The following AGO2 variants were observed in gnomAD, a reference collection of about 807,000 sequenced individuals.
AGO2 encodes the protein protein argonaute-2.
AGO2 carries 5 observed loss-of-function variants against 102.3 expected under a neutral mutation model. The ratio of observed to expected loss-of-function variants is 0.05; its 90% CI spans 0.03 to 0.10. The LOEUF is 0.10. AGO2 is among the 10% of genes least tolerant of loss of function. The pLI is 1.00. For missense variants in AGO2, 541 were observed against 1,183.7 expected, an observed-to-expected ratio of 0.46 and a Z score of 7.97; for synonymous variants, 449 against 473.1, an observed-to-expected ratio of 0.95 and a Z score of 0.66.
chr8:140,568,324 A>C (rs929908074), intron 3 of AGO2, among the ~76,000 whole-genome samples: 1 of 151,240 alleles, frequency 6.6e-6, no homozygotes, highest in Non-Finnish European at 1.5e-5. Context: ...GAAACTGTGT[A>C]TGAAGCCAGG....
At position 140,567,204 on chromosome 8, in the gene AGO2, T is replaced by G. The variant is rs889475125; in HGVS notation, c.337-4570A>C. Among the ~76,000 whole-genome samples, 11 of 152,120 alleles carry G rather than the reference T, an allele frequency of 7.2e-5. No homozygotes were observed. On this transcript the variant is annotated intron_variant, in intron 3 of 18. Transcript: ENST00000220592. The surrounding 1 kb of genome is among the most constrained non-coding windows in gnomAD (Gnocchi z 5.0). ...GGCCTGCAGAGAAAGGACAGCAGAG[T>G]CACCCCGGGCTCTGTAACTATCTGC...
At chr8:140,583,461 G>A (rs1039035978) in intron 2 of AGO2, among the ~76,000 whole-genome samples, 2 of 152,186 alleles carry the variant, frequency 1.3e-5, no homozygotes, top group African/African-American at 4.8e-5. Flanking sequence ...ACATCATAGA[G>A]TATATTTACA....
At position 140,528,424 on chromosome 8, in the gene AGO2, A is replaced by G. The variant is rs1263939208; in HGVS notation, c.*3620T>C. On this transcript the variant is annotated 3_prime_UTR_variant, in exon 19 of 19. Transcript: ENST00000220592. This position sits in a 1 kb window ranked among gnomAD's most constrained non-coding sequence, Gnocchi z 4.5. ...ACCCCACTACAGGAACTGAACTGAC[A>G]TGATCTGTTCTAATGGGCACTCCGT... 1 of 152,284 alleles carries G rather than the reference A, an allele frequency of 6.6e-6. No homozygotes were observed. The highest frequency in any genetic ancestry group is 1.5e-5 in the Non-Finnish European group (1 of 68,062). The allele number at this position is 152,284 out of a possible 1,614,324, so 9.4% of individuals were successfully genotyped here.
chr8:140,621,686 T>C (rs1372487636), intron 1 of AGO2, among the ~76,000 whole-genome samples: 1 of 152,220 alleles, frequency 6.6e-6, no homozygotes, highest in Non-Finnish European at 1.5e-5. Flanking sequence ...TATTAGGTGA[T>C]CTGGGCAAAA....
intron 1 of AGO2, among the ~76,000 whole-genome samples, chr8:140,599,885 C>T (rs987040052): frequency 2.0e-5 from 3 of 152,208 alleles, no homozygotes; most frequent in African/African-American, 7.2e-5. Context: ...TCACACCTGG[C>T]TGATTTTTGT....
At position 140,556,187 on chromosome 8, in the gene AGO2, G is replaced by T. The variant is rs1247419658; in HGVS notation, c.1126C>A (p.Gln376Lys). Residue 376 changes from glutamine to lysine, a missense_variant, in exon 9 of 19, where the codon CAA becomes AAA. Around this residue, in one of 6 missense-constraint regions of AGO2, gnomAD observed 309 missense variants for 735.1 expected, o/e 0.42. Transcript: ENST00000220592. ...CTCACCAATTTGCTAATCTCTTCTTGCCGATCGGGCGCCGACCTAGCAGTC... is the reference window on the plus strand; with the variant it reads ...CTCACCAATTTGCTAATCTCTTCTTTCCGATCGGGCGCCGACCTAGCAGTC... ...RATARSAPDR[Q>K]EEISKLMRSA... 1 of 1,614,230 alleles carries T rather than the reference G, an allele frequency of 6.2e-7. No homozygotes were observed. Among genetic ancestry groups the T allele is most frequent in the Admixed American group, 1.7e-5 (1 of 60,022 alleles).
At chr8:140,563,437 T>C (rs1183731464) in intron 3 of AGO2, among the ~76,000 whole-genome samples, 1 of 152,194 alleles carries the variant, frequency 6.6e-6, no homozygotes, top group African/African-American at 2.4e-5. Flanking sequence ...AGCTTCACCA[T>C]GTTACCTGTG....
intron 1 of AGO2, among the ~76,000 whole-genome samples, chr8:140,634,060 G>C (rs2074371622): frequency 6.6e-6 from 1 of 152,222 alleles, no homozygotes; most frequent in Non-Finnish European, 1.5e-5. Flanking sequence ...TTTCCCAAGA[G>C]GGGGCCTGGC....
chr8:140,584,854 T>A (rs1036960136), intron 2 of AGO2, among the ~76,000 whole-genome samples: 7 of 152,134 alleles, frequency 4.6e-5, no homozygotes, highest in African/African-American at 1.7e-4. Context: ...TTTGTCGAAA[T>A]TCTTCCAGTT....
intron 1 of AGO2, among the ~76,000 whole-genome samples, chr8:140,625,820 A>G (rs1247973079): frequency 1.3e-5 from 2 of 152,228 alleles, no homozygotes; most frequent in East Asian, 1.9e-4. Context: ...GCTGCACAGA[A>G]CAGGGACCAC....
intron 3 of AGO2, among the ~76,000 whole-genome samples, chr8:140,563,961 G>C (rs868691765): frequency 6.6e-6 from 1 of 152,238 alleles, no homozygotes; most frequent in Non-Finnish European, 1.5e-5. Flanking sequence ...CTGCACACCT[G>C]GGTCCCAGGT....
chr8:140,585,396 T>C, intron 1 of AGO2, 85 bp from the exon 2 acceptor site: 1 of 1,452,714 alleles, frequency 6.9e-7, no homozygotes. Context: ...AGCCACTATA[T>C]GCCCCCCTCT....
intron 1 of AGO2, among the ~76,000 whole-genome samples, chr8:140,605,612 C>T (rs1179546315): frequency 6.6e-6 from 1 of 152,178 alleles, no homozygotes; most frequent in African/African-American, 2.4e-5. Flanking sequence ...CAGGGGTGCC[C>T]AGCGGTAGGT....
At chr8:140,631,311 G>A (rs541989433) in intron 1 of AGO2, among the ~76,000 whole-genome samples, 5 of 152,302 alleles carry the variant, frequency 3.3e-5, no homozygotes, top group African/African-American at 1.2e-4. Flanking sequence ...GGAGGCCGAG[G>A]CAGGTAGATC....
rs150597074 is a variant in AGO2, at chr8:140,632,082, T to C, written c.22+3403A>G. Among the ~76,000 whole-genome samples the C allele has an allele frequency of 1.1e-3, 168 of 152,390 alleles. 1 individual carries two copies. The highest frequency in any genetic ancestry group is 3.8e-3 in the African/African-American group (158 of 41,600). On this transcript the variant is annotated intron_variant, in intron 1 of 18. Coordinates refer to ENST00000220592, the MANE Select transcript of AGO2 (RefSeq NM_012154.5). ...GACCATTACAGGAGAGCATTCACTG[T>C]ACAACACACAGAGAATAAGCCCAAC...
At chr8:140,604,705 T>C (rs934396283) in intron 1 of AGO2, among the ~76,000 whole-genome samples, 22 of 151,666 alleles carry the variant, frequency 1.5e-4, no homozygotes, top group African/African-American at 4.6e-4. Flanking sequence ...CGGGTGCCTG[T>C]AGTCCCAGCT....
At chr8:140,629,809 C>A (rs939997831) in intron 1 of AGO2, among the ~76,000 whole-genome samples, 1 of 150,500 alleles carries the variant, frequency 6.6e-6, no homozygotes, top group Non-Finnish European at 1.5e-5. Flanking sequence ...TGCACTCCAG[C>A]CTGGGCCATG....
At chr8:140,536,115 G>C (rs79658384) in intron 16 of AGO2, among the ~76,000 whole-genome samples, 3,056 of 152,124 alleles carry the variant, frequency 0.02, 88 homozygotes, top group African/African-American at 0.07. Flanking sequence ...GGCCAGGGGC[G>C]GTACATATAA....
At chr8:140,566,617 T>TTG (rs1554704957) in intron 3 of AGO2, among the ~76,000 whole-genome samples, 1 of 143,824 alleles carries the variant, frequency 7.0e-6, no homozygotes, top group Non-Finnish European at 1.5e-5. Context: ...TTTTTTTTTT[T>TTG]TGGGGGGGGG....
Sources: allele counts gnomAD v4.1 joint callset (sites outside exome capture counted in the v4.1 genomes callset), GRCh38; gene constraint gnomAD v4.1.1; regional missense constraint gnomAD v4.1.1; non-coding constraint Gnocchi (gnomAD v3.1); transcripts MANE v1.5; gene names NCBI Gene and HGNC (gene_info 2026-07-23, HGNC 2026-07-21).